The following ERVH48-1 variants were observed in gnomAD, a reference collection of about 807,000 sequenced individuals.
ERVH48-1 encodes the protein suppressyn.
In ERVH48-1, 4 loss-of-function variants were observed where a neutral mutation model predicts 2.4. The observed-to-expected ratio is 1.68, with a 90% CI of 0.83 to 3.84. The LOEUF (loss-of-function observed/expected upper bound fraction) is 3.84, where lower values mean the gene tolerates loss of function less well. Among genes scored for constraint, ERVH48-1 ranks in the 30% most tolerant of loss-of-function variants. ERVH48-1 has a pLI of 0.01. For synonymous variants in ERVH48-1, 32 were observed against 15.5 expected (o/e 2.06, Z -2.49); for missense variants, 97 against 43.4 (o/e 2.23, Z -3.47).
chr21:42,924,355 A>T (rs1299664992), intron 1 of ERVH48-1, among the ~76,000 whole-genome samples: 1 of 152,042 alleles, frequency 6.6e-6, no homozygotes, highest in African/African-American at 2.4e-5. Context: ...GGTTGAGAGG[A>T]AGAGGCAGGG....
chr21:42,921,039 G>C (rs1178227710), intron 1 of ERVH48-1, among the ~76,000 whole-genome samples: 1 of 152,152 alleles, frequency 6.6e-6, no homozygotes, highest in Admixed American at 6.5e-5. Flanking sequence ...CAAGGGTGAG[G>C]ACAGCAGCTG....
At chr21:42,924,925 G>A (rs907671040) in intron 1 of ERVH48-1, among the ~76,000 whole-genome samples, 11 of 151,120 alleles carry the variant, frequency 7.3e-5, no homozygotes, top group Non-Finnish European at 1.6e-4. Flanking sequence ...GATGATCAGC[G>A]AGTGCCTGGC....
At chr21:42,921,650 G>A (rs1476107663) in intron 1 of ERVH48-1, among the ~76,000 whole-genome samples, 1 of 150,554 alleles carries the variant, frequency 6.6e-6, no homozygotes, top group Non-Finnish European at 1.5e-5. Flanking sequence ...ACGGTTTTAG[G>A]GATAAGGTAC....
chr21:42,919,067 A>G lies in ERVH48-1; in HGVS notation c.-61T>C, dbSNP rs1168788956. On this transcript the variant is annotated 5_prime_UTR_variant, in exon 2 of 2. Transcript: ENST00000447535. ...GGTTTTAAGAAAAAAATGTTGGTTA[A>G]TTTAAACTTGGTAGGAGAAATTGGC... The G allele has an allele frequency of 8.3e-7, 1 of 1,211,274 alleles. No individual in the cohort carries two copies. The highest frequency in any genetic ancestry group is 1.6e-5 in the African/African-American group (1 of 63,292). The allele number at this position is 1,211,274 out of a possible 1,614,324, so 75.0% of individuals were successfully genotyped here.
At position 42,918,706 on chromosome 21, in the gene ERVH48-1, C is replaced by T. The variant is rs776087078; in HGVS notation, c.301G>A (p.Ala101Thr). 2 of 456,714 alleles carry T rather than the reference C, an allele frequency of 4.4e-6. No homozygotes were observed. Among genetic ancestry groups the T allele is most frequent in the South Asian group, 1.5e-5 (1 of 64,564 alleles). 28.3% of individuals were successfully genotyped at this position (456,714 alleles called of 1,614,324 possible). A position where few individuals can be genotyped will look rare whatever the true frequency, so the allele number is the denominator to read the frequency against. The change falls in exon 2 of 2, where the codon GCT becomes ACT. Residue 101 changes from alanine (A) to threonine (T), a missense_variant. Physicochemically the swap from Ala to Thr is moderately conservative, Grantham distance 58. Transcript: ENST00000447535. ...NLGVCGSRNG[A>T]ICPRGKQWLC... Reference sequence around the variant, plus strand: ...CACTGCTTCCCTCTGGGGCAAATAGCCCCATTACGACTGCCACATACTCCT... The same window carrying T: ...CACTGCTTCCCTCTGGGGCAAATAGTCCCATTACGACTGCCACATACTCCT...
chr21:42,922,120 T>C (rs1797825997), intron 1 of ERVH48-1, among the ~76,000 whole-genome samples: 2 of 152,226 alleles, frequency 1.3e-5, no homozygotes, highest in South Asian at 4.2e-4. Context: ...GCTATAGGCC[T>C]ACAAGAGCTG....
Position 42,923,065 on chromosome 21 carries a change from C to T in ERVH48-1, c.-286+2281G>A, listed in dbSNP as rs538003170. Among the ~76,000 whole-genome samples, 6 of 152,332 alleles carry T rather than the reference C, an allele frequency of 3.9e-5. No homozygotes were observed. In the East Asian group the frequency reaches 1.2e-3, roughly 29 times the overall value. ...ATGAGATCGAGTAGGTTTTGGCCGG[C>T]TCAGGAAGGGATGGAGGCGGTCCTT... is the stretch of plus-strand genomic sequence containing the variant. On this transcript the variant is annotated intron_variant, in intron 1 of 1. Transcript: ENST00000447535.
chr21:42,918,624 A>G lies in ERVH48-1; in HGVS notation c.383T>C (p.Ile128Thr), dbSNP rs1215627151. ...WGVNTQVLED[I>T]KREQIIAKAK... is the part of the protein sequence containing the mutation. ...TTTGGCTATAATCTGTTCTCTCTTT[A>G]TGTCCTCAAGCACCTGAGTGTTTAC... Residue 128 changes from isoleucine to threonine, a missense_variant, in exon 2 of 2, where the codon ATA becomes ACA. Ile to Thr is a moderately conservative substitution (Grantham distance 89, BLOSUM62 -1). Transcript: ENST00000447535. 1 of 456,532 alleles carries G rather than the reference A, an allele frequency of 2.2e-6. No homozygotes were observed. Among genetic ancestry groups the G allele is most frequent in the Admixed American group, 2.3e-5 (1 of 42,562 alleles). The allele number at this position is 456,532 out of a possible 1,614,324, so 28.3% of individuals were successfully genotyped here. A position where few individuals can be genotyped will look rare whatever the true frequency, so the allele number is the denominator to read the frequency against.
intron 1 of ERVH48-1, 109 bp downstream of exon 1, chr21:42,925,237 G>T (rs1243270848): frequency 3.7e-6 from 1 of 269,108 alleles, no homozygotes; most frequent in Non-Finnish European, 7.1e-6. Context: ...GAACCACCAC[G>T]CCCGGCCATG....
chr21:42,924,632 C>T (rs2058815692), intron 1 of ERVH48-1, among the ~76,000 whole-genome samples: 1 of 152,124 alleles, frequency 6.6e-6, no homozygotes, highest in Admixed American at 6.6e-5. Context: ...ACCCACTGTC[C>T]AATTTGTACT....
At chr21:42,919,961 C>A (rs2146177742) in intron 1 of ERVH48-1, among the ~76,000 whole-genome samples, 1 of 152,244 alleles carries the variant, frequency 6.6e-6, no homozygotes, top group East Asian at 1.9e-4. Flanking sequence ...CCAGAGGGAA[C>A]CCTGGGGTGA....
chr21:42,923,669 C>T (rs958353763), intron 1 of ERVH48-1, among the ~76,000 whole-genome samples: 1 of 152,174 alleles, frequency 6.6e-6, no homozygotes, highest in Admixed American at 6.5e-5. Flanking sequence ...TGGCAGCATC[C>T]AAAGGCCCCA....
chr21:42,917,397 C>A lies in ERVH48-1; in HGVS notation c.*1127G>T, dbSNP rs2058792151. The A allele has an allele frequency of 6.6e-6, 1 of 152,076 alleles. No homozygotes were observed. Among genetic ancestry groups the A allele is most frequent in the South Asian group, 2.1e-4 (1 of 4,816 alleles). 9.4% of individuals were successfully genotyped at this position (152,076 alleles called of 1,614,324 possible). ...GACTGTCCCCACCAGCATTTTAAAT[C>A]CTCCTAAATTAGAGAACCACCCTCC... On this transcript the variant is annotated 3_prime_UTR_variant, in exon 2 of 2. Coordinates refer to ENST00000447535, the MANE Select transcript of ERVH48-1 (RefSeq NM_001308491.2).
intron 1 of ERVH48-1, among the ~76,000 whole-genome samples, chr21:42,923,679 A>G (rs2058813311): frequency 6.6e-6 from 1 of 152,218 alleles, no homozygotes; most frequent in African/African-American, 2.4e-5. Context: ...CAAAGGCCCC[A>G]TCTTGATAAT....
chr21:42,924,562 AATAATTGCT>A (rs1391481885), intron 1 of ERVH48-1, among the ~76,000 whole-genome samples: 13 of 152,214 alleles, frequency 8.5e-5, no homozygotes, highest in Non-Finnish European at 2.9e-5. Flanking sequence ...AGCCGTCAGC[AATAATTGCT>A]TAAGTCAGTT....
rs2058794948 is a variant in ERVH48-1, at chr21:42,918,351, TG to T, written c.*172del. 1 of 360,436 alleles carries T rather than the reference TG, an allele frequency of 2.8e-6. No homozygotes were observed. The highest frequency in any genetic ancestry group is 5.4e-6 in the Non-Finnish European group (1 of 184,920). 22.3% of individuals were successfully genotyped at this position (360,436 alleles called of 1,614,324 possible). A position where few individuals can be genotyped will look rare whatever the true frequency, so the allele number is the denominator to read the frequency against. On this transcript the variant is annotated 3_prime_UTR_variant, in exon 2 of 2. Coordinates refer to ENST00000447535, the MANE Select transcript of ERVH48-1 (RefSeq NM_001308491.2). ...CATTCCTGAGGAGTGAAAGTGAGTCTGGGGTTTTGGGATGCCTGTAAGTAAG... is the reference window on the plus strand; with the variant it reads ...CATTCCTGAGGAGTGAAAGTGAGTCTGGGTTTTGGGATGCCTGTAAGTAAG...
At position 42,916,844 on chromosome 21, in the gene ERVH48-1, G is replaced by A; in HGVS notation, c.*1680C>T. ...TTTAATGAGCGCCTGCATGCAGACAGGCTGAGGCCTAAAATGGCATCAGCC... is the reference window on the plus strand; with the variant it reads ...TTTAATGAGCGCCTGCATGCAGACAAGCTGAGGCCTAAAATGGCATCAGCC... On this transcript the variant is annotated 3_prime_UTR_variant, in exon 2 of 2. Transcript: ENST00000447535. The A allele has an allele frequency of 5.6e-6, 1 of 178,642 alleles. No individual in the cohort carries two copies. Among genetic ancestry groups the A allele is most frequent in the Non-Finnish European group, 1.1e-5 (1 of 87,344 alleles). 11.1% of individuals were successfully genotyped at this position (178,642 alleles called of 1,614,324 possible).
intron 1 of ERVH48-1, among the ~76,000 whole-genome samples, 156 bp downstream of exon 1, chr21:42,925,190 C>T (rs1348809648): frequency 7.2e-5 from 11 of 152,298 alleles, no homozygotes; most frequent in South Asian, 6.2e-4. Flanking sequence ...GTGAATCCAA[C>T]GGCCTTGGCC....
intron 1 of ERVH48-1, among the ~76,000 whole-genome samples, chr21:42,924,673 A>G (rs974499840): frequency 4.6e-5 from 7 of 152,120 alleles, no homozygotes; most frequent in Non-Finnish European, 7.3e-5. Context: ...AAAAAGAACA[A>G]GGTGCTTAGA....
Sources: allele counts gnomAD v4.1 joint callset (sites outside exome capture counted in the v4.1 genomes callset), GRCh38; gene constraint gnomAD v4.1.1; transcripts MANE v1.5; gene names NCBI Gene and HGNC (gene_info 2026-07-23, HGNC 2026-07-21).